Variants in PEAK1 observed in about 807,000 individuals in gnomAD.
The protein encoded by PEAK1 is pseudopodium enriched atypical kinase 1, also known as inactive tyrosine-protein kinase PEAK1.
A neutral mutation model predicts 124.7 loss-of-function variants in PEAK1; 54 were observed. The ratio of observed to expected loss-of-function variants is 0.43; its 90% CI spans 0.35 to 0.54. The LOEUF (loss-of-function observed/expected upper bound fraction) is 0.54, where lower values mean the gene tolerates loss of function less well. Ranked by LOEUF, PEAK1 falls within the 20% of genes least tolerant of loss-of-function variation. The pLI, the probability that PEAK1 is intolerant of heterozygous loss-of-function variation, is 0.01. For synonymous variants in PEAK1, 719 were observed against 760.0 expected (o/e 0.95, Z 0.89); for missense variants, 2,046 against 2,134.5 (o/e 0.96, Z 0.82).
chr15:77,125,478 CTGTGTGTGTGTGTGTGTGTATG>C (rs1303114588), intron 9 of PEAK1, among the ~76,000 whole-genome samples: 1 of 149,866 alleles, frequency 6.7e-6, no homozygotes, highest in Non-Finnish European at 1.5e-5. Context: ...GCTCTCAGCA[CTGTGTGTGTGTGTGTGTGTATG>C]TGTGTGTGTG....
intron 5 of PEAK1, among the ~76,000 whole-genome samples, chr15:77,272,748 G>T (rs939654711): frequency 6.6e-6 from 1 of 150,946 alleles, no homozygotes; most frequent in East Asian, 1.9e-4. Flanking sequence ...GAATCCTCCC[G>T]AAATCATTCT....
chr15:77,360,006 C>T (rs2067778472), intron 2 of PEAK1, among the ~76,000 whole-genome samples: 1 of 152,108 alleles, frequency 6.6e-6, no homozygotes, highest in African/African-American at 2.4e-5. Context: ...CTTACACTGC[C>T]CAATTTCAAA....
intron 2 of PEAK1, chr15:77,335,620 A>C (rs2066151653): frequency 1.6e-6 from 1 of 624,150 alleles, no homozygotes; most frequent in South Asian, 7.2e-5. Context: ...CTAGGACTAC[A>C]GGCGTGCACT....
chr15:77,404,583 C>G (rs1165984758), intron 1 of PEAK1: 1 of 863,938 alleles, frequency 1.2e-6, no homozygotes, highest in Non-Finnish European at 1.4e-6. Flanking sequence ...AAATTTGAAA[C>G]TACATATGTG....
intron 1 of PEAK1, among the ~76,000 whole-genome samples, chr15:77,368,876 A>C (rs1266268161): frequency 6.6e-6 from 1 of 152,230 alleles, no homozygotes; most frequent in African/African-American, 2.4e-5. Context: ...ATTATAGGGA[A>C]TACACATGAA....
chr15:77,164,042 T>TAAA (rs1029029341), intron 7 of PEAK1, among the ~76,000 whole-genome samples: 1 of 152,182 alleles, frequency 6.6e-6, no homozygotes, highest in Admixed American at 6.5e-5. Context: ...CACACCTTTG[T>TAAA]AATCTACTGA....
chr15:77,220,794 T>C (rs2059353402), intron 6 of PEAK1, among the ~76,000 whole-genome samples: 2 of 152,102 alleles, frequency 1.3e-5, no homozygotes, highest in Admixed American at 1.3e-4. Context: ...AATGACAATC[T>C]ATATGTCTCA....
At chr15:77,229,641 TTTTC>T (rs1432410853) in intron 6 of PEAK1, among the ~76,000 whole-genome samples, 106 of 144,862 alleles carry the variant, frequency 7.3e-4, no homozygotes, top group East Asian at 4.1e-3. Flanking sequence ...TGTTTCTTTC[TTTTC>T]TTTCTTTTTT....
At chr15:77,343,684 C>T (rs2066691576) in intron 2 of PEAK1, among the ~76,000 whole-genome samples, 1 of 151,970 alleles carries the variant, frequency 6.6e-6, no homozygotes, top group Non-Finnish European at 1.5e-5. Context: ...TGGGATTTCA[C>T]CATGTTGGCC....
chr15:77,138,274 G>A (rs2053498403), intron 8 of PEAK1, among the ~76,000 whole-genome samples: 1 of 152,134 alleles, frequency 6.6e-6, no homozygotes. Context: ...CTTGTATAGG[G>A]CACTTACCAT....
intron 5 of PEAK1, among the ~76,000 whole-genome samples, chr15:77,269,158 C>A (rs1487036438): frequency 1.3e-5 from 2 of 150,206 alleles, no homozygotes; most frequent in Non-Finnish European, 3.0e-5. Flanking sequence ...TAGAATAGTA[C>A]CTCATATCTC....
intron 6 of PEAK1, among the ~76,000 whole-genome samples, chr15:77,248,700 T>C (rs1040841182): frequency 6.6e-6 from 1 of 152,184 alleles, no homozygotes; most frequent in African/African-American, 2.4e-5. Flanking sequence ...ATTTCTGTTG[T>C]TTTCAAGCCA....
intron 1 of PEAK1, among the ~76,000 whole-genome samples, chr15:77,387,452 AT>A (rs2070049839): frequency 6.6e-6 from 1 of 152,210 alleles, no homozygotes; most frequent in South Asian, 2.1e-4. Context: ...TGTTGTTCAA[AT>A]TCAAAACAAT....
At chr15:77,150,454 AT>A (rs752573593) in intron 8 of PEAK1, among the ~76,000 whole-genome samples, 3 of 152,036 alleles carry the variant, frequency 2.0e-5, no homozygotes, top group East Asian at 3.9e-4. Context: ...GCAATGCTTT[AT>A]TTTTTTTCTA....
At chr15:77,201,521 A>G (rs1008660885) in intron 6 of PEAK1, among the ~76,000 whole-genome samples, 2 of 152,032 alleles carry the variant, frequency 1.3e-5, no homozygotes, top group Non-Finnish European at 2.9e-5. Flanking sequence ...TACAGGCATG[A>G]GCCACTGCGC....
Position 77,381,778 on chromosome 15 carries a change from T to G in PEAK1, c.-665-16553A>C, listed in dbSNP as rs1257835526. ...CTTGCCTTCTCCAGGCACTTTCACC[T>G]CTACCCCAACCCCAAAGCACACCAT... is the stretch of plus-strand genomic sequence containing the variant. On this transcript the variant is annotated intron_variant, in intron 1 of 9. Transcript: ENST00000682557. Among the ~76,000 whole-genome samples, 4 of 152,148 alleles carry G rather than the reference T, an allele frequency of 2.6e-5. 1 individual carries two copies. Among genetic ancestry groups the G allele is most frequent in the African/African-American group, 4.8e-5 (2 of 41,436 alleles).
At chr15:77,192,670 T>C (rs1223020540) in intron 6 of PEAK1, among the ~76,000 whole-genome samples, 1 of 152,172 alleles carries the variant, frequency 6.6e-6, no homozygotes, top group East Asian at 1.9e-4. Context: ...CTGGCCCTTG[T>C]GGGTGCCAGA....
intron 8 of PEAK1, among the ~76,000 whole-genome samples, chr15:77,141,552 A>G (rs2053787319): frequency 6.6e-6 from 1 of 152,210 alleles, no homozygotes; most frequent in South Asian, 2.1e-4. Context: ...TTCATATGGA[A>G]ATAGAAGAAA....
At chr15:77,371,535 C>T in intron 1 of PEAK1, 1 of 797,550 alleles carries the variant, frequency 1.3e-6, no homozygotes, top group Non-Finnish European at 1.5e-6. Context: ...CCACCACCAC[C>T]ACCATCATCA....
Sources: gnomAD v4.1 joint callset for allele counts (sites outside exome capture counted in the v4.1 genomes callset) on GRCh38, gnomAD v4.1.1 for gene constraint, MANE v1.5 for transcripts, NCBI Gene and HGNC (gene_info 2026-07-23, HGNC 2026-07-21) for gene names.